FILIP1L: variants seen among roughly 807,000 people sequenced by gnomAD.
The protein encoded by FILIP1L is filamin A-interacting protein 1-like.
A neutral mutation model predicts 96.6 loss-of-function variants in FILIP1L; 55 were observed. The ratio of observed to expected loss-of-function variants is 0.57; its 90% CI spans 0.46 to 0.71. FILIP1L has a LOEUF of 0.71. Among genes scored for constraint, FILIP1L ranks in the 30% least tolerant of loss-of-function variants. The probability of loss-of-function intolerance (pLI) is 0.00; values close to 1 mark genes in which losing one functional copy is unlikely to be tolerated. For missense variants in FILIP1L, 1,304 were observed against 1,321.2 expected (o/e 0.99, Z 0.20); for synonymous variants, 467 against 473.9 (o/e 0.99, Z 0.19).
intron 4 of FILIP1L, among the ~76,000 whole-genome samples, chr3:99,881,184 T>C (rs1314654193): frequency 1.3e-5 from 2 of 152,172 alleles, no homozygotes; most frequent in Non-Finnish European, 2.9e-5. Context: ...AGCATACTAG[T>C]AGGTAAGTAG....
Position 99,974,891 on chromosome 3 carries a change from A to G in FILIP1L, c.-10-43861T>C, listed in dbSNP as rs148569253. ...CTTGGCATGGGCTCTTGTGTTTGCC[A>G]TACCAGGTGGATTCAGTCCAAACTC... is the stretch of plus-strand genomic sequence containing the variant. On this transcript the variant is annotated intron_variant, in intron 1 of 5. Transcript: ENST00000477258. 4.6e-3 allele frequency among the ~76,000 whole-genome samples: 705 copies of G among 152,322 alleles called. 2 individuals are homozygous for G. The highest frequency in any genetic ancestry group is 7.0e-3 in the South Asian group (34 of 4,826).
At chr3:100,056,936 G>A (rs532729111) in intron 1 of FILIP1L, among the ~76,000 whole-genome samples, 89 of 152,168 alleles carry the variant, frequency 5.8e-4, no homozygotes, top group African/African-American at 2.1e-3. Context: ...CCTGGGAGGC[G>A]GAGCTTGCAG....
chr3:99,965,129 TC>T (rs1287530018), intron 1 of FILIP1L, among the ~76,000 whole-genome samples: 31 of 152,244 alleles, frequency 2.0e-4, no homozygotes, highest in Admixed American at 2.0e-3. Flanking sequence ...GAAAATGTTT[TC>T]TGAAGCAATG....
rs532047035 is a variant in FILIP1L, at chr3:100,058,432, A to G, written c.-11+55621T>C. Among the ~76,000 whole-genome samples the G allele has an allele frequency of 1.6e-4, 25 of 152,342 alleles. No homozygotes were observed. The East Asian group carries it at 3.7e-3, about 22-fold the overall frequency. ...AAGGCAGGCAGAGAAAAGTTGACAC[A>G]TAGTTAAGTGAGGCACAAGTCTGTT... On this transcript the variant is annotated intron_variant, in intron 1 of 5. Coordinates refer to ENST00000477258, the MANE Select transcript of FILIP1L (RefSeq NM_001387850.1).
At chr3:99,975,916 G>A (rs1341820813) in intron 1 of FILIP1L, among the ~76,000 whole-genome samples, 1 of 152,090 alleles carries the variant, frequency 6.6e-6, no homozygotes, top group Non-Finnish European at 1.5e-5. Flanking sequence ...TTAGAGTCAC[G>A]CTCTGTTGTC....
At chr3:99,840,476 C>A (rs1943086665) in intron 5 of FILIP1L, among the ~76,000 whole-genome samples, 1 of 152,022 alleles carries the variant, frequency 6.6e-6, no homozygotes, top group Non-Finnish European at 1.5e-5. Context: ...CCCGCTTTGG[C>A]CTCCCAAAGT....
chr3:99,998,665 C>T (rs1285063253), intron 1 of FILIP1L, among the ~76,000 whole-genome samples: 6 of 152,186 alleles, frequency 3.9e-5, no homozygotes, highest in African/African-American at 1.4e-4. Flanking sequence ...CGGGTTCACG[C>T]GATTCTCCCG....
chr3:100,097,380 A>T (rs1004990626), intron 1 of FILIP1L, among the ~76,000 whole-genome samples: 2 of 152,220 alleles, frequency 1.3e-5, no homozygotes, highest in Non-Finnish European at 2.9e-5. Flanking sequence ...CATGGATTAT[A>T]TGCAAATACT....
chr3:99,924,381 C>CT lies in FILIP1L; in HGVS notation c.453dup (p.Glu152ArgfsTer18), dbSNP rs1272193589. 3.1e-6 allele frequency: 5 copies of CT among 1,613,908 alleles called. No individual in the cohort carries two copies. The African/African-American group carries it at 6.7e-5, about 22-fold the overall frequency. ...TGTCCCAGGATTCGTCTGTAAGATT[C>CT]TTTATGTTTTTCCACAACTTTGTCC... On this transcript the variant is annotated frameshift_variant, in exon 4 of 6. Coordinates refer to ENST00000477258, the MANE Select transcript of FILIP1L (RefSeq NM_001387850.1). LOFTEE classifies it high-confidence loss of function.
chr3:99,923,521 C>G (rs1203308722), intron 4 of FILIP1L, among the ~76,000 whole-genome samples: 1 of 152,198 alleles, frequency 6.6e-6, no homozygotes, highest in Non-Finnish European at 1.5e-5. Context: ...TCCAGTCTAA[C>G]CAGTCACTAA....
chr3:99,946,769 G>T (rs1418465472), intron 1 of FILIP1L, among the ~76,000 whole-genome samples: 1 of 152,114 alleles, frequency 6.6e-6, no homozygotes, highest in Non-Finnish European at 1.5e-5. Flanking sequence ...CTTTAGTAGG[G>T]ACTGCTTCTT....
chr3:99,981,759 C>T (rs1263321380), intron 1 of FILIP1L, among the ~76,000 whole-genome samples: 4 of 152,098 alleles, frequency 2.6e-5, no homozygotes, highest in Non-Finnish European at 5.9e-5. Flanking sequence ...CTCATCTTTA[C>T]CCAAAAGAGG....
At chr3:99,860,291 C>T (rs192397253) in intron 4 of FILIP1L, among the ~76,000 whole-genome samples, 3 of 152,144 alleles carry the variant, frequency 2.0e-5, no homozygotes, top group Non-Finnish European at 2.9e-5. Context: ...ATCACCTGAA[C>T]GATTAATCTT....
At chr3:99,969,202 AT>A (rs1708742925) in intron 1 of FILIP1L, among the ~76,000 whole-genome samples, 1 of 152,200 alleles carries the variant, frequency 6.6e-6, no homozygotes, top group African/African-American at 2.4e-5. Flanking sequence ...GTCCAGGCAT[AT>A]CTAAGAAGGG....
intron 1 of FILIP1L, among the ~76,000 whole-genome samples, chr3:100,062,730 C>T (rs79208153): frequency 6.6e-6 from 1 of 152,302 alleles, no homozygotes; most frequent in African/African-American, 2.4e-5. Context: ...GAAATAAACT[C>T]TTTGTCCTGG....
At chr3:100,012,999 T>C (rs1710205733) in intron 1 of FILIP1L, among the ~76,000 whole-genome samples, 1 of 152,066 alleles carries the variant, frequency 6.6e-6, no homozygotes, top group African/African-American at 2.4e-5. Context: ...GGTTTTGTCA[T>C]GTTGTCCGGG....
chr3:99,898,318 G>A (rs1226211765), intron 4 of FILIP1L: 1 of 152,130 alleles, frequency 6.6e-6, no homozygotes, highest in Admixed American at 6.5e-5. Context: ...ATTACACAAT[G>A]ACCAGGGCCT....
At chr3:99,997,884 TA>T (rs1257528613) in intron 1 of FILIP1L, among the ~76,000 whole-genome samples, 11 of 152,204 alleles carry the variant, frequency 7.2e-5, no homozygotes, top group Admixed American at 1.3e-4. Flanking sequence ...TAAACTAAAG[TA>T]TAATGCATTT....
At chr3:100,100,393 A>G (rs2066284297) in intron 1 of FILIP1L, among the ~76,000 whole-genome samples, 1 of 152,192 alleles carries the variant, frequency 6.6e-6, no homozygotes, top group Non-Finnish European at 1.5e-5. Context: ...ACATTATAAT[A>G]TTATCAGACC....
Sources: allele counts gnomAD v4.1 joint callset (sites outside exome capture counted in the v4.1 genomes callset), GRCh38; gene constraint gnomAD v4.1.1; transcripts MANE v1.5; gene names NCBI Gene and HGNC (gene_info 2026-07-23, HGNC 2026-07-21).